Variants in GRB14 observed in about 807,000 individuals in gnomAD.
The protein encoded by GRB14 is growth factor receptor-bound protein 14.
In GRB14, 38 loss-of-function variants were observed where a neutral mutation model predicts 69.1. The ratio of observed to expected loss-of-function variants is 0.55; its 90% CI spans 0.42 to 0.72. The LOEUF (loss-of-function observed/expected upper bound fraction) is 0.72. Among genes scored for constraint, GRB14 ranks in the 30% least tolerant of loss-of-function variants. The pLI, the probability that GRB14 is intolerant of heterozygous loss-of-function variation, is 0.00. For synonymous variants in GRB14, 247 were observed against 241.3 expected (o/e 1.02, Z -0.22); for missense variants, 666 against 666.1 (o/e 1.00, Z 0.00).
In GRB14 at chr2:164,582,421, A is replaced by ATTT. The variant is rs143543028; in HGVS notation, c.325-34606_325-34605insAAA. ...TCAGCTCTTATTTATTTATTTATTT[A>ATTT]TTATTTTTTTTTTTTTTTGAGAAGG... is the stretch of plus-strand genomic sequence containing the variant. On this transcript the variant is annotated intron_variant, in intron 2 of 13. Transcript: ENST00000263915. Among the ~76,000 whole-genome samples the ATTT allele has an allele frequency of 3.9e-4, 35 of 89,278 alleles. 1 individual carries two copies. Among genetic ancestry groups the ATTT allele is most frequent in the Middle Eastern group, 5.4e-3 (1 of 186 alleles). The allele number at this position is 89,278 out of a possible 152,430, so 58.6% of individuals were successfully genotyped here.
intron 2 of GRB14, among the ~76,000 whole-genome samples, chr2:164,617,238 G>C (rs1328890664): frequency 6.6e-6 from 1 of 152,144 alleles, no homozygotes; most frequent in Admixed American, 6.5e-5. Context: ...CAAAGGTAGG[G>C]ACAGCCCTCT....
intron 8 of GRB14, among the ~76,000 whole-genome samples, chr2:164,506,298 T>C (rs1239071470): frequency 6.6e-6 from 1 of 152,112 alleles, no homozygotes; most frequent in African/African-American, 2.4e-5. Flanking sequence ...CATAAAGAAG[T>C]AAACATGGTG....
intron 2 of GRB14, among the ~76,000 whole-genome samples, chr2:164,569,563 T>G (rs891724222): frequency 3.3e-5 from 5 of 152,158 alleles, no homozygotes; most frequent in Non-Finnish European, 7.4e-5. Context: ...TGGAAGATAC[T>G]CAGCAACACA....
In GRB14 at chr2:164,621,138, G is replaced by C. The variant is rs1690449795; in HGVS notation, c.172C>G (p.Arg58Gly). ...RALLPLPDGT[R>G]GCAADRRKKK... The stretch of plus-strand genomic sequence containing the variant: ...GCCTACCTGTCTGCAGCACAGCCGC[G>C]GGTCCCGTCCGGAAGGGGCAGGAGC... Residue 58 changes from arginine to glycine, a missense_variant, in exon 1 of 14, where the codon CGC (arginine) becomes GGC (glycine). Transcript: ENST00000263915. The surrounding 1 kb of genome is among the most constrained non-coding windows in gnomAD (Gnocchi z 6.0). The C allele has an allele frequency of 3.2e-6, 4 of 1,246,114 alleles. No homozygotes were observed. The highest frequency in any genetic ancestry group is 3.1e-4 in the Middle Eastern group (1 of 3,254). 77.2% of individuals were successfully genotyped at this position (1,246,114 alleles called of 1,614,324 possible).
In GRB14 at chr2:164,508,539, C is replaced by A. The variant is rs41268657; in HGVS notation, c.939G>T (p.Ala313=). The A allele has an allele frequency of 6.2e-6, 10 of 1,613,906 alleles. No homozygotes were observed. Among genetic ancestry groups the A allele is most frequent in the Admixed American group, 1.7e-5 (1 of 59,980 alleles). ...NYGFCFKPNK[A]GGPRDLKMLC... ...GCATTTTCAGGTCTCGGGGCCCTCC[C>A]GCTTTGTTAGGCTAGAAGGCCACAG... is the stretch of plus-strand genomic sequence containing the variant. The change falls in exon 8 of 14, where the codon GCG becomes GCT. Residue 313 remains alanine, a synonymous_variant. Transcript: ENST00000263915.
chr2:164,612,807 G>A (rs10153754), intron 2 of GRB14, among the ~76,000 whole-genome samples: 2,631 of 152,076 alleles, frequency 0.017, 74 homozygotes, highest in African/African-American at 0.059. Flanking sequence ...TTTCAATAAC[G>A]TTAAAAAGAA....
At chr2:164,520,302 CA>C (rs1257349905) in intron 6 of GRB14, among the ~76,000 whole-genome samples, 13 of 152,134 alleles carry the variant, frequency 8.5e-5, no homozygotes, top group African/African-American at 3.1e-4. Context: ...TGGCAAGTCA[CA>C]TGTAGAAGAA....
intron 2 of GRB14, chr2:164,568,509 C>T (rs930778741): frequency 9.1e-7 from 1 of 1,096,412 alleles, no homozygotes; most frequent in Non-Finnish European, 1.1e-6. Context: ...TGTCACCCTG[C>T]TTATGTGATT....
rs142038518 is a variant in GRB14, at chr2:164,502,260, G to A, written c.1099C>T (p.Pro367Ser). Residue 367 changes from proline to serine, a missense_variant, in exon 9 of 14, where the codon CCT becomes TCT. Physicochemically the swap from Pro to Ser is moderately conservative, Grantham distance 74. Coordinates refer to ENST00000263915, the MANE Select transcript of GRB14 (RefSeq NM_004490.3). Reference sequence around the variant, plus strand: ...CTCAAAAATTTGGTCCTTACCATAGGTGATATGCTCTGTGAACTGCAGCCA... The same window carrying A: ...CTCAAAAATTTGGTCCTTACCATAGATGATATGCTCTGTGAACTGCAGCCA... ...RSGCSSQSIS[P>S]MRSISENSLV... The A allele has an allele frequency of 7.3e-4, 1,153 of 1,584,780 alleles. No homozygotes were observed. Among genetic ancestry groups the A allele is most frequent in the Non-Finnish European group, 9.5e-4 (1,100 of 1,154,672 alleles).
In GRB14 at chr2:164,493,177, T is replaced by A; in HGVS notation, c.1482A>T (p.Glu494Asp). ...KIKHFQIIPV[E>D]DDGEMFHTLD... Reference sequence around the variant, plus strand: ...GTGTGTGGAACATTTCACCGTCATCTTCTACCTGCAAAAAGAAAAGCAACA... The same window carrying A: ...GTGTGTGGAACATTTCACCGTCATCATCTACCTGCAAAAAGAAAAGCAACA... The change falls in exon 14 of 14, where the codon GAA becomes GAT. Residue 494 changes from glutamate to aspartate, a missense_variant. Glu to Asp is a conservative substitution (Grantham distance 45). Coordinates refer to ENST00000263915, the MANE Select transcript of GRB14 (RefSeq NM_004490.3). 1 of 1,611,838 alleles carries A rather than the reference T, an allele frequency of 6.2e-7. No individual in the cohort carries two copies. The highest frequency in any genetic ancestry group is 8.5e-7 in the Non-Finnish European group (1 of 1,178,964).
chr2:164,512,143 G>T (rs578082136), intron 6 of GRB14, among the ~76,000 whole-genome samples: 1 of 152,148 alleles, frequency 6.6e-6, no homozygotes, highest in South Asian at 2.1e-4. Context: ...AGATTTCCAA[G>T]GTTTTTTGTT....
At chr2:164,503,183 A>AAAAAG (rs1224805856) in intron 8 of GRB14, among the ~76,000 whole-genome samples, 1 of 150,740 alleles carries the variant, frequency 6.6e-6, no homozygotes. Flanking sequence ...AAAAAAAAAA[A>AAAAAG]AAAAGAAAAG....
chr2:164,554,566 G>A (rs1352337812), intron 2 of GRB14, among the ~76,000 whole-genome samples: 2 of 152,122 alleles, frequency 1.3e-5, no homozygotes, highest in African/African-American at 2.4e-5. Flanking sequence ...TGTACACACT[G>A]CCTGTGTTGG....
intron 3 of GRB14, among the ~76,000 whole-genome samples, chr2:164,533,924 A>C (rs1237574434): frequency 1.3e-5 from 2 of 152,218 alleles, no homozygotes. Flanking sequence ...TAAAGGATAA[A>C]AGATTTGCAG....
rs566656173 is a variant in GRB14 at position 164,590,638 on chromosome 2, C to T, written c.324+29049G>A. ...ATGCTTTATATACAGCACATAGCACCCTGACACTGGAGGAATTCTACAAGC... is the reference window on the plus strand; with the variant it reads ...ATGCTTTATATACAGCACATAGCACTCTGACACTGGAGGAATTCTACAAGC... On this transcript the variant is annotated intron_variant, in intron 2 of 13. Coordinates refer to ENST00000263915, the MANE Select transcript of GRB14 (RefSeq NM_004490.3). Among the ~76,000 whole-genome samples the T allele has an allele frequency of 1.6e-4, 25 of 152,238 alleles. No individual in the cohort carries two copies. In the South Asian group the frequency reaches 5.2e-3, roughly 32 times the overall value.
chr2:164,579,693 T>C (rs1185377522), intron 2 of GRB14, among the ~76,000 whole-genome samples: 1 of 152,270 alleles, frequency 6.6e-6, no homozygotes, highest in Middle Eastern at 3.4e-3. Context: ...AATAGATTTT[T>C]TTTTTCCTCA....
At chr2:164,577,805 T>G (rs1689288317) in intron 2 of GRB14, among the ~76,000 whole-genome samples, 1 of 152,182 alleles carries the variant, frequency 6.6e-6, no homozygotes, top group Non-Finnish European at 1.5e-5. Flanking sequence ...CTAAAAAGAC[T>G]AACTATACCC....
At chr2:164,546,734 G>A (rs1318679704) in intron 3 of GRB14, among the ~76,000 whole-genome samples, 1 of 152,176 alleles carries the variant, frequency 6.6e-6, no homozygotes, top group Non-Finnish European at 1.5e-5. Flanking sequence ...CATCGTGATT[G>A]CCTGATGGGA....
Position 164,497,501 on chromosome 2 carries a change from G to T in GRB14, c.1105-11C>A. On this transcript the variant is annotated splice_polypyrimidine_tract_variant and intron_variant, in intron 9 of 13. Transcript: ENST00000263915. The stretch of plus-strand genomic sequence containing the variant: ...CTCTGATATACTTCTCTGGAAAAAA[G>T]AAACACATTTGAGTTATGAAAATTT... 6.8e-7 allele frequency: 1 copy of T among 1,478,310 alleles called. No individual in the cohort carries two copies. Among genetic ancestry groups the T allele is most frequent in the Non-Finnish European group, 9.3e-7 (1 of 1,071,714 alleles). 91.6% of individuals were successfully genotyped at this position (1,478,310 alleles called of 1,614,324 possible). A position where few individuals can be genotyped will look rare whatever the true frequency, so the allele number is the denominator to read the frequency against.
Sources: allele counts gnomAD v4.1 joint callset (sites outside exome capture counted in the v4.1 genomes callset), GRCh38; gene constraint gnomAD v4.1.1; non-coding constraint Gnocchi (gnomAD v3.1); transcripts MANE v1.5; gene names NCBI Gene and HGNC (gene_info 2026-07-23, HGNC 2026-07-21).